Variants in KCNIP4 observed in about 807,000 individuals in gnomAD.
The protein encoded by KCNIP4 is Kv channel-interacting protein 4.
Under a neutral mutation model 34.0 loss-of-function variants are expected in KCNIP4, and 12 were observed. The ratio of observed to expected loss-of-function variants is 0.35; its 90% CI spans 0.23 to 0.57. The LOEUF (loss-of-function observed/expected upper bound fraction) is 0.57. KCNIP4 is among the 20% of genes least tolerant of loss of function. The pLI, the probability that KCNIP4 is intolerant of heterozygous loss-of-function variation, is 0.83. For synonymous variants in KCNIP4, 124 were observed against 102.2 expected (o/e 1.21, Z -1.29); for missense variants, 238 against 311.7 (o/e 0.76, Z 1.78).
chr4:21,271,110 T>C (rs552099193), intron 1 of KCNIP4, among the ~76,000 whole-genome samples: 1 of 152,326 alleles, frequency 6.6e-6, no homozygotes, highest in South Asian at 2.1e-4. Context: ...AGAAGGATCT[T>C]GGTCTAACCT....
intron 1 of KCNIP4, among the ~76,000 whole-genome samples, chr4:21,051,402 T>A (rs1742915809): frequency 1.4e-5 from 2 of 148,026 alleles, no homozygotes; most frequent in Non-Finnish European, 3.0e-5. Flanking sequence ...TATTGACAGA[T>A]GATTTCTTTG....
chr4:21,234,677 C>A (rs1047584391), intron 1 of KCNIP4, among the ~76,000 whole-genome samples: 1 of 147,644 alleles, frequency 6.8e-6, no homozygotes. Context: ...TTAGTCAGAC[C>A]CTCACTGTCA....
At chr4:21,539,496 T>G (rs1356551050) in intron 1 of KCNIP4, among the ~76,000 whole-genome samples, 1 of 152,182 alleles carries the variant, frequency 6.6e-6, no homozygotes. Flanking sequence ...TAACATTGGT[T>G]TATTTGGTAT....
chr4:21,251,931 C>G (rs1037690523), intron 1 of KCNIP4, among the ~76,000 whole-genome samples: 1 of 151,320 alleles, frequency 6.6e-6, no homozygotes, highest in Non-Finnish European at 1.5e-5. Flanking sequence ...TTAATGGGTG[C>G]AGCACACCAG....
chr4:20,829,348 T>C (rs893653537), intron 3 of KCNIP4, among the ~76,000 whole-genome samples: 1 of 152,060 alleles, frequency 6.6e-6, no homozygotes, highest in African/African-American at 2.4e-5. Context: ...GCTGGGACTA[T>C]AGGCGCCTGC....
chr4:21,525,892 T>C (rs1260434201), intron 1 of KCNIP4, among the ~76,000 whole-genome samples: 2 of 152,200 alleles, frequency 1.3e-5, no homozygotes, highest in Non-Finnish European at 2.9e-5. Flanking sequence ...GGTAAGAGTT[T>C]ATCTTGTTTT....
At position 21,152,568 on chromosome 4, in the gene KCNIP4, G is replaced by A. The variant is rs537154848; in HGVS notation, c.62-269859C>T. Among the ~76,000 whole-genome samples, 41 of 150,332 alleles carry A rather than the reference G, an allele frequency of 2.7e-4. 1 individual carries two copies. Among genetic ancestry groups the A allele is most frequent in the Admixed American group, 9.3e-4 (14 of 15,072 alleles). On this transcript the variant is annotated intron_variant, in intron 1 of 8. Transcript: ENST00000382152. The stretch of plus-strand genomic sequence containing the variant: ...TTTCTAATGCAGACATCAATATACT[G>A]TATAGGCTTGTCTGCAGTTTGTTTG...
At chr4:21,817,705 T>A (rs994195953) in intron 1 of KCNIP4, among the ~76,000 whole-genome samples, 1 of 152,076 alleles carries the variant, frequency 6.6e-6, no homozygotes, top group African/African-American at 2.4e-5. Flanking sequence ...AGATAAGGAC[T>A]GAGATATGTC....
rs577826566 is a variant in KCNIP4 at position 21,397,160 on chromosome 4, G to A, written c.62-514451C>T. On this transcript the variant is annotated intron_variant, in intron 1 of 8. Coordinates refer to ENST00000382152, the MANE Select transcript of KCNIP4 (RefSeq NM_025221.6). ...AGAGTCACATATTCAGGCCTCATTA[G>A]AAATTAAATCTGAAGCAAAAGCCCT... Among the ~76,000 whole-genome samples the A allele has an allele frequency of 1.4e-4, 22 of 152,294 alleles. 1 individual carries two copies. In the South Asian group the frequency reaches 1.7e-3, roughly 11 times the overall value.
chr4:20,941,618 T>G (rs1731646649), intron 1 of KCNIP4, among the ~76,000 whole-genome samples: 1 of 152,240 alleles, frequency 6.6e-6, no homozygotes, highest in Admixed American at 6.5e-5. Context: ...AACAACAAAA[T>G]GCTACTGCTA....
At chr4:21,896,687 G>A (rs906897125) in intron 1 of KCNIP4, among the ~76,000 whole-genome samples, 3 of 152,110 alleles carry the variant, frequency 2.0e-5, no homozygotes, top group Admixed American at 2.0e-4. Context: ...GGGAGGCCGA[G>A]GCAGGCAGAT....
chr4:21,700,563 T>C (rs966747762), intron 1 of KCNIP4, among the ~76,000 whole-genome samples: 7 of 151,982 alleles, frequency 4.6e-5, no homozygotes, highest in African/African-American at 7.2e-5. Flanking sequence ...TTTGTTGTTT[T>C]TTTTTGTTTG....
intron 1 of KCNIP4, among the ~76,000 whole-genome samples, chr4:21,406,495 T>C (rs1005192047): frequency 3.3e-5 from 5 of 152,188 alleles, no homozygotes; most frequent in South Asian, 2.1e-4. Context: ...ATTAGTAATA[T>C]ACATAATGAA....
At chr4:21,616,547 T>C (rs6824942) in intron 1 of KCNIP4, among the ~76,000 whole-genome samples, 79,062 of 151,996 alleles carry the variant, frequency 0.52, 20,720 homozygotes, top group East Asian at 0.72. Flanking sequence ...TTACTTTCTC[T>C]TCATGTTAGA....
At chr4:20,990,152 T>C (rs1736962235) in intron 1 of KCNIP4, among the ~76,000 whole-genome samples, 1 of 152,180 alleles carries the variant, frequency 6.6e-6, no homozygotes, top group African/African-American at 2.4e-5. Context: ...TGTAAGATTT[T>C]CTCACCAAAA....
At chr4:21,068,618 C>G (rs896899427) in intron 1 of KCNIP4, among the ~76,000 whole-genome samples, 4 of 152,080 alleles carry the variant, frequency 2.6e-5, no homozygotes, top group African/African-American at 4.8e-5. Flanking sequence ...ACATGGCTGT[C>G]CTTTTCTTGT....
At chr4:21,574,596 A>G (rs1430520407) in intron 1 of KCNIP4, among the ~76,000 whole-genome samples, 1 of 152,148 alleles carries the variant, frequency 6.6e-6, no homozygotes, top group Non-Finnish European at 1.5e-5. Context: ...AAGGTGAAAA[A>G]TTAAAGAAGG....
intron 1 of KCNIP4, among the ~76,000 whole-genome samples, chr4:21,334,595 T>G (rs112120830): frequency 0.014 from 2,076 of 152,204 alleles, 59 homozygotes; most frequent in African/African-American, 0.047. Context: ...CAGGGTTATA[T>G]AACCATCACC....
intron 1 of KCNIP4, among the ~76,000 whole-genome samples, chr4:21,452,931 C>A (rs931285173): frequency 6.6e-6 from 1 of 151,960 alleles, no homozygotes; most frequent in South Asian, 2.1e-4. Context: ...TAGTAATAAA[C>A]CTGTTTCATT....
Sources: gnomAD v4.1 joint callset for allele counts (sites outside exome capture counted in the v4.1 genomes callset) on GRCh38, gnomAD v4.1.1 for gene constraint, MANE v1.5 for transcripts, NCBI Gene and HGNC (gene_info 2026-07-23, HGNC 2026-07-21) for gene names.